Variants in RPS20 observed in about 807,000 individuals in gnomAD.
RPS20 encodes small ribosomal subunit protein uS10.
In RPS20, 3 loss-of-function variants were observed where a neutral mutation model predicts 15.3. That is an observed-to-expected ratio of 0.20 (90% CI 0.09 to 0.51). The LOEUF (loss-of-function observed/expected upper bound fraction) is 0.51, where lower values mean the gene tolerates loss of function less well. Among genes scored for constraint, RPS20 ranks in the 20% least tolerant of loss-of-function variants. RPS20 has a pLI of 0.96. For missense variants in RPS20, 67 were observed against 145.9 expected (o/e 0.46, Z 2.79); for synonymous variants, 62 against 47.8 (o/e 1.30, Z -1.23).
chr8:56,068,306 GGTGT>G (rs758736527), downstream of RPS20: 1 of 152,066 alleles, frequency 6.6e-6, no homozygotes, highest in Non-Finnish European at 1.5e-5. Flanking sequence ...GATTTGCTGA[GGTGT>G]GTGTATCACC....
intron 2 of RPS20, 30 bp from the exon 3 acceptor site, chr8:56,073,798 A>G: frequency 6.2e-7 from 1 of 1,601,692 alleles, no homozygotes; most frequent in Non-Finnish European, 8.6e-7. Flanking sequence ...TCTCAGTATA[A>G]TCGAAACAAT....
At position 56,074,491 on chromosome 8, in the gene RPS20, C is replaced by G; in HGVS notation, c.-108G>C. 1.6e-6 allele frequency: 2 copies of G among 1,252,230 alleles called. No homozygotes were observed. The highest frequency in any genetic ancestry group is 2.3e-5 in the Admixed American group (1 of 43,392). 77.6% of individuals were successfully genotyped at this position (1,252,230 alleles called of 1,614,324 possible). On this transcript the variant is annotated 5_prime_UTR_variant, in exon 1 of 4. Transcript: ENST00000009589. Reference sequence around the variant, plus strand: ...CAAAAATCCTCAGCCCTTACGACCGCGTCTTCCTCAAAAAGAAAGGGGTGG... The same window carrying G: ...CAAAAATCCTCAGCCCTTACGACCGGGTCTTCCTCAAAAAGAAAGGGGTGG...
chr8:56,069,957 A>C, downstream of RPS20: 1 of 665,510 alleles, frequency 1.5e-6, no homozygotes, highest in South Asian at 1.6e-5. Flanking sequence ...TGTATTAGGT[A>C]TTACAAGTAA....
At position 56,074,028 on chromosome 8, in the gene RPS20, C is replaced by T. The variant is rs549945967; in HGVS notation, c.103+32G>A. The T allele has an allele frequency of 2.0e-6, 3 of 1,536,152 alleles. No homozygotes were observed. In the South Asian group the frequency reaches 3.3e-5, roughly 17 times the overall value. Reference sequence around the variant, plus strand: ...AAAGCTCGTCGCTTTTCGCCCAATTCCCCCTCCCCCCCGCATAACGAATGC... The same window carrying T: ...AAAGCTCGTCGCTTTTCGCCCAATTTCCCCTCCCCCCCGCATAACGAATGC... On this transcript the variant is annotated intron_variant, in intron 2 of 3. Coordinates refer to ENST00000009589, the MANE Select transcript of RPS20 (RefSeq NM_001023.4).
chr8:56,073,496 A>G (rs1214064719), intron 3 of RPS20, 199 bp downstream of exon 3: 4 of 644,092 alleles, frequency 6.2e-6, no homozygotes, highest in African/African-American at 5.5e-5. Context: ...AAAGCACACC[A>G]AGAACACAGC....
chr8:56,071,903 A>G (rs1244974888), downstream of RPS20, among the ~76,000 whole-genome samples: 1 of 152,218 alleles, frequency 6.6e-6, no homozygotes, highest in Non-Finnish European at 1.5e-5. Context: ...ATCTATAGAA[A>G]CTTTCCCCAA....
chr8:56,069,269 G>A (rs1283219034), downstream of RPS20, among the ~76,000 whole-genome samples: 12 of 151,858 alleles, frequency 7.9e-5, no homozygotes, highest in African/African-American at 2.4e-5. Context: ...TTGAGACTGA[G>A]TTTAGCTCTA....
At chr8:56,070,921 T>C (rs1343300992), downstream of RPS20, among the ~76,000 whole-genome samples, 1 of 152,194 alleles carries the variant, frequency 6.6e-6, no homozygotes, top group Non-Finnish European at 1.5e-5. Flanking sequence ...AGATGGCCTG[T>C]TAACTTGCAT....
At chr8:56,072,124 C>T (rs891727794), downstream of RPS20, among the ~76,000 whole-genome samples, 1 of 151,928 alleles carries the variant, frequency 6.6e-6, no homozygotes, top group East Asian at 1.9e-4. Flanking sequence ...TTGTTAAGTC[C>T]CAGCTACTAG....
downstream of RPS20, chr8:56,069,888 A>C (rs750398330): frequency 2.2e-5 from 18 of 816,224 alleles, no homozygotes; most frequent in African/African-American, 3.4e-5. Flanking sequence ...ATGTATAGAC[A>C]TTCTTTTTCT....
downstream of RPS20, among the ~76,000 whole-genome samples, chr8:56,070,114 C>G (rs1412244284): frequency 1.3e-5 from 2 of 152,098 alleles, no homozygotes; most frequent in Non-Finnish European, 2.9e-5. Context: ...CACTGTAATT[C>G]AATGCAGTAT....
chr8:56,072,579 T>G (rs1032481873), downstream of RPS20, among the ~76,000 whole-genome samples: 1 of 151,732 alleles, frequency 6.6e-6, no homozygotes, highest in Non-Finnish European at 1.5e-5. Context: ...AGTGAAAATT[T>G]TATATTTAAA....
chr8:56,069,828 G>T (rs754829246), downstream of RPS20: 8 of 1,471,616 alleles, frequency 5.4e-6, no homozygotes, highest in African/African-American at 8.4e-5. Flanking sequence ...CTGTAGATTC[G>T]ATCAACTGTA....
chr8:56,073,902 G>T, intron 2 of RPS20, 134 bp from the exon 3 acceptor site: 1 of 1,084,170 alleles, frequency 9.2e-7, no homozygotes, highest in Non-Finnish European at 1.4e-6. Context: ...CTCATCGCCA[G>T]CTGTATGACA....
At chr8:56,069,739 T>C (rs976239740), downstream of RPS20, 3 of 1,551,508 alleles carry the variant, frequency 1.9e-6, no homozygotes, top group African/African-American at 4.1e-5. Context: ...AGAATGCAGT[T>C]AAAAAGGACA....
downstream of RPS20, among the ~76,000 whole-genome samples, chr8:56,071,669 T>A (rs1164095423): frequency 6.6e-6 from 1 of 152,182 alleles, no homozygotes; most frequent in Non-Finnish European, 1.5e-5. Context: ...TTAGACACAT[T>A]AGCTTTTCAG....
chr8:56,072,240 G>A (rs1213633645), downstream of RPS20, among the ~76,000 whole-genome samples: 2 of 151,254 alleles, frequency 1.3e-5, no homozygotes, highest in South Asian at 2.1e-4. Flanking sequence ...GAAAATATAA[G>A]TATTTTTAAA....
downstream of RPS20, chr8:56,069,939 A>G: frequency 1.4e-6 from 1 of 699,978 alleles, no homozygotes; most frequent in South Asian, 1.5e-5. Context: ...CTTACATACC[A>G]TTTACATTGT....
rs753426252 is a variant in RPS20 at position 56,074,158 on chromosome 8, G to C, written c.5C>G (p.Ala2Gly). M[A>G]FKDTGKTPVE... ...GGGTGTTTTTCCGGTATCCTTAAAA[G>C]CCTATTATTAGATACATGAAAAAGA... is the stretch of plus-strand genomic sequence containing the variant. The change falls in exon 2 of 4, where the codon GCT becomes GGT. Residue 2 changes from alanine to glycine, a missense_variant and splice_region_variant. Coordinates refer to ENST00000009589, the MANE Select transcript of RPS20 (RefSeq NM_001023.4). 11 of 1,609,832 alleles carry C rather than the reference G, an allele frequency of 6.8e-6. No homozygotes were observed. Among genetic ancestry groups the C allele is most frequent in the African/African-American group, 2.7e-5 (2 of 74,888 alleles).
Sources: gnomAD v4.1 joint callset for allele counts (sites outside exome capture counted in the v4.1 genomes callset) on GRCh38, gnomAD v4.1.1 for gene constraint, MANE v1.5 for transcripts, NCBI Gene and HGNC (gene_info 2026-07-23, HGNC 2026-07-21) for gene names.